The following SIPA1L3 variants were observed in gnomAD, a reference collection of about 807,000 sequenced individuals.
SIPA1L3 encodes the protein signal-induced proliferation-associated 1-like protein 3.
SIPA1L3 carries 59 observed loss-of-function variants against 150.1 expected under a neutral mutation model. That is an observed-to-expected ratio of 0.39 (90% CI 0.32 to 0.49). The LOEUF is 0.49. Ranked by LOEUF, SIPA1L3 falls within the 20% of genes least tolerant of loss-of-function variation. The pLI is 0.86. For missense variants in SIPA1L3, 2,211 were observed against 2,489.5 expected (o/e 0.89, Z 2.38); for synonymous variants, 1,070 against 1,077.6 (o/e 0.99, Z 0.14).
At chr19:37,998,152 TTGATGAGTGCA>T (rs1285127688) in intron 1 of SIPA1L3, among the ~76,000 whole-genome samples, 3 of 152,196 alleles carry the variant, frequency 2.0e-5, no homozygotes, top group African/African-American at 4.8e-5. Context: ...AAATATTCTT[TTGATGAGTGCA>T]TGAATGGAAA....
At chr19:38,000,300 C>G (rs1343496164) in intron 1 of SIPA1L3, among the ~76,000 whole-genome samples, 1 of 151,830 alleles carries the variant, frequency 6.6e-6, no homozygotes, top group African/African-American at 2.4e-5. Flanking sequence ...AACCCTGTCT[C>G]TACTAAAAAT....
chr19:37,908,541 A>G (rs189871835), intron 1 of SIPA1L3, among the ~76,000 whole-genome samples: 1 of 152,038 alleles, frequency 6.6e-6, no homozygotes, highest in Admixed American at 6.5e-5. Flanking sequence ...GTTCCAGGAG[A>G]TAATTCATGT....
At chr19:38,102,054 T>C (rs550988279) in intron 6 of SIPA1L3, among the ~76,000 whole-genome samples, 39 of 148,820 alleles carry the variant, frequency 2.6e-4, no homozygotes, top group East Asian at 9.7e-4. Context: ...CTTTTCTTTT[T>C]TTTTTTTTTT....
At chr19:37,953,077 A>G (rs900429333) in intron 1 of SIPA1L3, among the ~76,000 whole-genome samples, 2 of 152,174 alleles carry the variant, frequency 1.3e-5, no homozygotes, top group African/African-American at 4.8e-5. Flanking sequence ...AAAAACAATT[A>G]GCCAGGCGTG....
chr19:37,964,609 C>T (rs926532926), intron 1 of SIPA1L3: 5 of 152,442 alleles, frequency 3.3e-5, no homozygotes, highest in African/African-American at 1.2e-4. Context: ...ATTCTCCTGC[C>T]TCAGCCTCCC....
At chr19:38,143,087 G>T (rs1336671295) in intron 12 of SIPA1L3, among the ~76,000 whole-genome samples, 1 of 152,064 alleles carries the variant, frequency 6.6e-6, no homozygotes, top group Non-Finnish European at 1.5e-5. Context: ...CTGCCCACTT[G>T]CGTCCATCTG....
At chr19:38,042,685 T>A (rs1568516685) in intron 2 of SIPA1L3, among the ~76,000 whole-genome samples, 1 of 152,276 alleles carries the variant, frequency 6.6e-6, no homozygotes, top group Admixed American at 6.5e-5. Flanking sequence ...GATAATATTT[T>A]GGGCATATCT....
rs567315356 is a variant in SIPA1L3 at position 38,092,412 on chromosome 19, C to T, written c.1665+3561C>T. ...AGACTATGTCACACATACTGAGAGTCGTGAGACTTTAGTGCATGGATACTG... is the reference window on the plus strand; with the variant it reads ...AGACTATGTCACACATACTGAGAGTTGTGAGACTTTAGTGCATGGATACTG... On this transcript the variant is annotated intron_variant, in intron 4 of 21. Transcript: ENST00000222345. Among the ~76,000 whole-genome samples, 4 of 151,738 alleles carry T rather than the reference C, an allele frequency of 2.6e-5. No individual in the cohort carries two copies. In the South Asian group the frequency reaches 6.2e-4, roughly 24 times the overall value.
chr19:38,072,081 G>A (rs1485546912), intron 2 of SIPA1L3, among the ~76,000 whole-genome samples: 1 of 152,248 alleles, frequency 6.6e-6, no homozygotes, highest in Non-Finnish European at 1.5e-5. Context: ...GCCTGTGATT[G>A]CAAGGAAGGC....
At position 38,083,029 on chromosome 19, in the gene SIPA1L3, G is replaced by T. The variant is rs201902767; in HGVS notation, c.1464G>T (p.Arg488=). The change falls in exon 3 of 22, where the codon CGG becomes CGT. Residue 488 remains arginine, a synonymous_variant. Transcript: ENST00000222345. ...VPKEQQRTQS[R]PRQYSIEHVD... ...AGGAGCAGCAGCGGACGCAGAGTCG[G>T]CCCCGGCAGTACAGCATCGAGCATG... 5.6e-5 allele frequency: 91 copies of T among 1,613,136 alleles called. No individual in the cohort carries two copies. In the East Asian group the frequency reaches 7.6e-4, roughly 13 times the overall value.
chr19:37,939,983 A>T (rs528125986), intron 1 of SIPA1L3, among the ~76,000 whole-genome samples: 1 of 152,344 alleles, frequency 6.6e-6, no homozygotes, highest in South Asian at 2.1e-4. Context: ...TGTTTTGTAC[A>T]GGCACTATTC....
At chr19:38,139,554 G>C (rs1971523394) in intron 10 of SIPA1L3, among the ~76,000 whole-genome samples, 1 of 152,120 alleles carries the variant, frequency 6.6e-6, no homozygotes, top group Non-Finnish European at 1.5e-5. Context: ...CTGGTGCCTG[G>C]TGAGACATTG....
At chr19:38,123,871 A>T (rs867638618) in intron 9 of SIPA1L3, among the ~76,000 whole-genome samples, 1 of 92,716 alleles carries the variant, frequency 1.1e-5, no homozygotes, top group African/African-American at 6.6e-5. Context: ...CCTCCCGGAC[A>T]GGGCGGCTGG....
intron 1 of SIPA1L3, among the ~76,000 whole-genome samples, chr19:37,938,804 G>A (rs1041665415): frequency 4.6e-5 from 7 of 151,868 alleles, no homozygotes; most frequent in African/African-American, 1.7e-4. Flanking sequence ...TGTATTTTTA[G>A]TAGAGACGGG....
intron 2 of SIPA1L3, among the ~76,000 whole-genome samples, chr19:38,078,468 ACAGGCACACAGACATG>A (rs1180071445): frequency 6.7e-6 from 1 of 148,934 alleles, no homozygotes; most frequent in Non-Finnish European, 1.5e-5. Context: ...ACACACACAC[ACAGGCACACAGACATG>A]CACACACACA....
intron 3 of SIPA1L3, among the ~76,000 whole-genome samples, chr19:38,084,024 C>A (rs1970068111): frequency 6.6e-6 from 1 of 150,680 alleles, no homozygotes; most frequent in African/African-American, 2.4e-5. Flanking sequence ...TTGAGAATTG[C>A]TTGTAACTGC....
At chr19:38,173,685 C>G (rs1972378077) in intron 15 of SIPA1L3, 1 of 152,198 alleles carries the variant, frequency 6.6e-6, no homozygotes, top group Admixed American at 6.5e-5. Flanking sequence ...AATCTGAGGG[C>G]CTGAAGATCC....
At chr19:38,079,371 C>T (rs1385663060) in intron 2 of SIPA1L3, among the ~76,000 whole-genome samples, 1 of 152,192 alleles carries the variant, frequency 6.6e-6, no homozygotes, top group African/African-American at 2.4e-5. Context: ...GTGAACAACA[C>T]AGACATCCCT....
intron 18 of SIPA1L3, among the ~76,000 whole-genome samples, chr19:38,196,801 G>A (rs1417430875): frequency 1.3e-5 from 2 of 152,138 alleles, no homozygotes; most frequent in African/African-American, 4.8e-5. Context: ...GGACGAGCCA[G>A]GAGGCCAAGG....
Sources: allele counts gnomAD v4.1 joint callset (sites outside exome capture counted in the v4.1 genomes callset), GRCh38; gene constraint gnomAD v4.1.1; transcripts MANE v1.5; gene names NCBI Gene and HGNC (gene_info 2026-07-23, HGNC 2026-07-21).